The following ALDH18A1 variants were observed in gnomAD, a reference collection of about 807,000 sequenced individuals.
ALDH18A1 encodes the protein aldehyde dehydrogenase 18 family member A1, also known as delta-1-pyrroline-5-carboxylate synthase.
In ALDH18A1, 44 loss-of-function variants were observed where a neutral mutation model predicts 88.8. That is an observed-to-expected ratio of 0.50 (90% confidence interval 0.39 to 0.64). The LOEUF (loss-of-function observed/expected upper bound fraction) is 0.64. ALDH18A1 is among the 30% of genes least tolerant of loss of function. The probability of loss-of-function intolerance (pLI) is 0.00; values close to 1 mark genes in which losing one functional copy is unlikely to be tolerated. For missense variants in ALDH18A1, 782 were observed against 1,009.5 expected, an observed-to-expected ratio of 0.77 and a Z score of 3.05; for synonymous variants, 331 against 372.1, an observed-to-expected ratio of 0.89 and a Z score of 1.27.
At chr10:95,636,496 C>A (rs1346808446) in intron 5 of ALDH18A1, among the ~76,000 whole-genome samples, 1 of 152,086 alleles carries the variant, frequency 6.6e-6, no homozygotes, top group East Asian at 1.9e-4. Context: ...GGGGTAGCCA[C>A]CAAAAATTCG....
chr10:95,621,318 G>GTAT, intron 11 of ALDH18A1, 67 bp from the exon 12 acceptor site: 69 of 999,106 alleles, frequency 6.9e-5, no homozygotes, highest in Non-Finnish European at 9.3e-5. Context: ...CAACCGATGT[G>GTAT]TCTTTTTTTT....
chr10:95,632,280 T>C (rs971166183), intron 7 of ALDH18A1, among the ~76,000 whole-genome samples: 5 of 152,210 alleles, frequency 3.3e-5, no homozygotes, highest in Non-Finnish European at 7.4e-5. Context: ...ATTTGGGTGA[T>C]GAAAGGGAAA....
chr10:95,624,424 A>G (rs2097857680), intron 11 of ALDH18A1, among the ~76,000 whole-genome samples: 1 of 152,246 alleles, frequency 6.6e-6, no homozygotes, highest in South Asian at 2.1e-4. Context: ...TACGTTTTGT[A>G]ATACTATAAA....
At chr10:95,630,085 T>C (rs1276803665) in intron 7 of ALDH18A1, among the ~76,000 whole-genome samples, 1 of 150,096 alleles carries the variant, frequency 6.7e-6, no homozygotes, top group Non-Finnish European at 1.5e-5. Context: ...TAATTTTAAA[T>C]TAAACTAAAA....
At chr10:95,640,810 T>A (rs2097889975) in intron 3 of ALDH18A1, among the ~76,000 whole-genome samples, 1 of 152,218 alleles carries the variant, frequency 6.6e-6, no homozygotes, top group Non-Finnish European at 1.5e-5. Flanking sequence ...GCTGGTAACC[T>A]ACGCAAACCT....
At chr10:95,643,616 A>G (rs2097895944) in intron 2 of ALDH18A1, among the ~76,000 whole-genome samples, 1 of 152,258 alleles carries the variant, frequency 6.6e-6, no homozygotes, top group South Asian at 2.1e-4. Flanking sequence ...TAACATTTTT[A>G]GAATTTTTAA....
chr10:95,643,178 A>C lies in ALDH18A1; in HGVS notation c.117T>G (p.His39Gln), dbSNP rs762047967. ...SHCIQPSVIR[H>Q]VRSWSNIPFI... ...ACGGGATGTTGCTCCAAGAACGAAC[A>C]TGTCTGATGACTGAAGGCTGGATAC... The change falls in exon 3 of 18, where the codon CAT (histidine) becomes CAG (glutamine). Residue 39 changes from histidine to glutamine, a missense_variant. Coordinates refer to ENST00000371224, the MANE Select transcript of ALDH18A1 (RefSeq NM_002860.4). 1.2e-6 allele frequency: 2 copies of C among 1,614,106 alleles called. No individual in the cohort carries two copies. The highest frequency in any genetic ancestry group is 3.3e-5 in the Admixed American group (2 of 60,008).
At chr10:95,650,862 G>C (rs2097909330) in intron 2 of ALDH18A1, among the ~76,000 whole-genome samples, 1 of 152,134 alleles carries the variant, frequency 6.6e-6, no homozygotes. Context: ...GGCCAGGTGT[G>C]GAGGCTCATG....
At chr10:95,631,029 T>A (rs149479533) in intron 7 of ALDH18A1, among the ~76,000 whole-genome samples, 1 of 152,270 alleles carries the variant, frequency 6.6e-6, no homozygotes, top group South Asian at 2.1e-4. Flanking sequence ...CCTGCCTTGA[T>A]GTGGGCTGGG....
intron 6 of ALDH18A1, 111 bp from the exon 7 acceptor site, chr10:95,633,160 C>A (rs1175190799): frequency 3.2e-6 from 3 of 948,472 alleles, no homozygotes; most frequent in Non-Finnish European, 5.1e-6. Flanking sequence ...CAGGCAAAAC[C>A]AATGAACCCA....
chr10:95,629,961 A>G (rs2097865870), intron 7 of ALDH18A1, among the ~76,000 whole-genome samples: 1 of 152,098 alleles, frequency 6.6e-6, no homozygotes, highest in Non-Finnish European at 1.5e-5. Flanking sequence ...GTCAAGCAGT[A>G]TAAGAGAGAA....
At chr10:95,626,411 C>T (rs1364379161) in intron 10 of ALDH18A1, among the ~76,000 whole-genome samples, 1 of 152,056 alleles carries the variant, frequency 6.6e-6, no homozygotes, top group Non-Finnish European at 1.5e-5. Flanking sequence ...CATTTCCATG[C>T]CCAGTATGTG....
At chr10:95,623,140 A>C (rs914614551) in intron 11 of ALDH18A1, among the ~76,000 whole-genome samples, 3 of 152,134 alleles carry the variant, frequency 2.0e-5, no homozygotes, top group African/African-American at 7.2e-5. Flanking sequence ...AAATTAATTA[A>C]TTTTCTTTAC....
intron 7 of ALDH18A1, among the ~76,000 whole-genome samples, chr10:95,631,434 T>C (rs1332779469): frequency 7.2e-5 from 11 of 151,932 alleles, no homozygotes. Context: ...ATGGCTATAA[T>C]AAAAAAGGCA....
At chr10:95,623,727 G>A (rs1297023103) in intron 11 of ALDH18A1, among the ~76,000 whole-genome samples, 5 of 152,112 alleles carry the variant, frequency 3.3e-5, no homozygotes, top group African/African-American at 1.2e-4. Flanking sequence ...CACCAAGCCC[G>A]GCTAATTTTG....
Position 95,606,734 on chromosome 10 carries a change from G to A in ALDH18A1, c.*28C>T, listed in dbSNP as rs368872834. On this transcript the variant is annotated 3_prime_UTR_variant, in exon 18 of 18. Transcript: ENST00000371224. Reference sequence around the variant, plus strand: ...ACAAGTTTAACGTGAAGACCTTTTGGAAAATTCCCGGGTTTTCCTGGCTCT... The same window carrying A: ...ACAAGTTTAACGTGAAGACCTTTTGAAAAATTCCCGGGTTTTCCTGGCTCT... The A allele has an allele frequency of 4.2e-5, 68 of 1,614,044 alleles. No homozygotes were observed. In the African/African-American group the frequency reaches 6.9e-4, roughly 16 times the overall value.
chr10:95,615,544 G>A (rs994101262), intron 13 of ALDH18A1, among the ~76,000 whole-genome samples: 1 of 152,076 alleles, frequency 6.6e-6, no homozygotes, highest in South Asian at 2.1e-4. Flanking sequence ...ATACTTTACT[G>A]TACGTATGTT....
rs553343447 is a variant in ALDH18A1 at position 95,608,378 on chromosome 10, G to C, written c.2207-1435C>G. Among the ~76,000 whole-genome samples the C allele has an allele frequency of 5.3e-5, 8 of 152,314 alleles. 1 individual carries two copies. In the South Asian group the frequency reaches 1.7e-3, roughly 32 times the overall value. Reference sequence around the variant, plus strand: ...ATACAAATGGGGAACTAAAAATAAAGAGTATCATGATTAAGAATAACTGAG... The same window carrying C: ...ATACAAATGGGGAACTAAAAATAAACAGTATCATGATTAAGAATAACTGAG... On this transcript the variant is annotated intron_variant, in intron 17 of 17. Coordinates refer to ENST00000371224, the MANE Select transcript of ALDH18A1 (RefSeq NM_002860.4).
intron 2 of ALDH18A1, among the ~76,000 whole-genome samples, chr10:95,650,525 T>C (rs1024716932): frequency 3.3e-5 from 5 of 152,326 alleles, no homozygotes; most frequent in Middle Eastern, 6.8e-3. Flanking sequence ...TTAGTTCCCA[T>C]GAGACATGGT....
Sources: gnomAD v4.1 joint callset for allele counts (sites outside exome capture counted in the v4.1 genomes callset) on GRCh38, gnomAD v4.1.1 for gene constraint, MANE v1.5 for transcripts, NCBI Gene and HGNC (gene_info 2026-07-23, HGNC 2026-07-21) for gene names.